EDIL3: variants seen among roughly 807,000 people sequenced by gnomAD.
EDIL3 encodes EGF-like repeat and discoidin I-like domain-containing protein 3.
Under a neutral mutation model 67.4 loss-of-function variants are expected in EDIL3, and 37 were observed. The observed-to-expected ratio is 0.55, with a 90% confidence interval of 0.42 to 0.72. EDIL3 has a LOEUF of 0.72. Ranked by LOEUF, EDIL3 falls within the 30% of genes least tolerant of loss-of-function variation. EDIL3 has a pLI of 0.00. For synonymous variants in EDIL3, 195 were observed against 196.3 expected, an observed-to-expected ratio of 0.99 and a Z score of 0.05; for missense variants, 527 against 586.3, an observed-to-expected ratio of 0.90 and a Z score of 1.04.
intron 6 of EDIL3, among the ~76,000 whole-genome samples, chr5:84,070,066 C>A (rs922550264): frequency 2.6e-5 from 4 of 152,068 alleles, no homozygotes; most frequent in African/African-American, 7.2e-5. Flanking sequence ...AGAGTCCTGC[C>A]GCTGAGCAGC....
intron 3 of EDIL3, among the ~76,000 whole-genome samples, chr5:84,192,576 C>A (rs1743615435): frequency 1.3e-5 from 2 of 152,052 alleles, no homozygotes; most frequent in South Asian, 4.2e-4. Context: ...TTATTCCCTT[C>A]ACAAGTTTTT....
chr5:84,167,680 C>T (rs1380089194), intron 4 of EDIL3, among the ~76,000 whole-genome samples: 1 of 152,116 alleles, frequency 6.6e-6, no homozygotes, highest in African/African-American at 2.4e-5. Context: ...ATTGACAGGG[C>T]ATCACCAAGT....
At chr5:84,181,505 CT>C (rs1156944469) in intron 3 of EDIL3, among the ~76,000 whole-genome samples, 1 of 152,186 alleles carries the variant, frequency 6.6e-6, no homozygotes, top group African/African-American at 2.4e-5. Context: ...CAGTTTGAGA[CT>C]TTTTCTATGC....
At chr5:84,360,951 A>AT (rs923180601) in intron 1 of EDIL3, among the ~76,000 whole-genome samples, 27 of 152,026 alleles carry the variant, frequency 1.8e-4, no homozygotes, top group African/African-American at 6.3e-4. Context: ...TTCTGGGGGT[A>AT]TTTTTTCTTA....
intron 5 of EDIL3, among the ~76,000 whole-genome samples, chr5:84,133,790 A>C: frequency 6.6e-6 from 1 of 152,102 alleles, no homozygotes; most frequent in African/African-American, 2.4e-5. Flanking sequence ...ACTTAACCAA[A>C]CCTTGTAATA....
chr5:83,995,391 C>T (rs1745221969), intron 9 of EDIL3, among the ~76,000 whole-genome samples: 3 of 152,166 alleles, frequency 2.0e-5, no homozygotes, highest in Admixed American at 2.0e-4. Context: ...CTGTAATGTC[C>T]CCACATGGTA....
At chr5:84,255,855 C>T (rs988064793) in intron 1 of EDIL3, among the ~76,000 whole-genome samples, 3 of 152,036 alleles carry the variant, frequency 2.0e-5, no homozygotes, top group Non-Finnish European at 2.9e-5. Flanking sequence ...AAGAATTTAG[C>T]GTGGCTGGAC....
chr5:83,947,377 G>C lies in EDIL3; in HGVS notation c.1294-3809C>G, dbSNP rs1205456721. Among the ~76,000 whole-genome samples the C allele has an allele frequency of 2.7e-5, 4 of 150,728 alleles. No homozygotes were observed. In the South Asian group the frequency reaches 8.4e-4, roughly 32 times the overall value. On this transcript the variant is annotated intron_variant, in intron 10 of 10. Transcript: ENST00000296591. The stretch of plus-strand genomic sequence containing the variant: ...TGTGTCTGTGTCTGTGTCTGTGTGT[G>C]TGTGTGTGTGTGTGTGTGTGTGTGT...
rs1744213624 is a variant in EDIL3 at position 83,940,984 on chromosome 5, G to C, written c.*2435C>G. 2 of 152,078 alleles carry C rather than the reference G, an allele frequency of 1.3e-5. No individual in the cohort carries two copies. Among genetic ancestry groups the C allele is most frequent in the Middle Eastern group, 3.4e-3 (1 of 294 alleles). 9.4% of individuals were successfully genotyped at this position (152,078 alleles called of 1,614,324 possible). A position where few individuals can be genotyped will look rare whatever the true frequency, so the allele number is the denominator to read the frequency against. ...TTTAGTTTCATTAATTGTAAAATTAGCATGTTATATTTACTCAATATAGTG... is the reference window on the plus strand; with the variant it reads ...TTTAGTTTCATTAATTGTAAAATTACCATGTTATATTTACTCAATATAGTG... On this transcript the variant is annotated 3_prime_UTR_variant, in exon 11 of 11. Transcript: ENST00000296591.
chr5:84,160,808 TCC>T lies in EDIL3; in HGVS notation c.355+19583_355+19584del, dbSNP rs1561449441. 2.5e-3 allele frequency among the ~76,000 whole-genome samples: 314 copies of T among 125,868 alleles called. 6 individuals carry two copies. Among genetic ancestry groups the T allele is most frequent in the African/African-American group, 8.9e-3 (265 of 29,764 alleles). 82.6% of individuals were successfully genotyped at this position (125,868 alleles called of 152,430 possible). Reference sequence around the variant, plus strand: ...TCCTTTCCTTTCCTTTCCTTTCCTTTCCTTTCCTTTCCCTTTCCTTTTCCTTT... The same window carrying T: ...TCCTTTCCTTTCCTTTCCTTTCCTTTTTTCCTTTCCCTTTCCTTTTCCTTT... On this transcript the variant is annotated intron_variant, in intron 4 of 10. Transcript: ENST00000296591.
In EDIL3 at chr5:84,176,487, T is replaced by A. The variant is rs1010225230; in HGVS notation, c.355+3906A>T. ...TAAAAGGAATCAAAGGCTCTGGAGC[T>A]GTGCACAGGTAGAGAAGAATGTACA... On this transcript the variant is annotated intron_variant, in intron 4 of 10. Coordinates refer to ENST00000296591, the MANE Select transcript of EDIL3 (RefSeq NM_005711.5). Among the ~76,000 whole-genome samples, 3 of 151,052 alleles carry A rather than the reference T, an allele frequency of 2.0e-5. No individual in the cohort carries two copies. The Admixed American group carries it at 2.0e-4, about 10-fold the overall frequency.
At chr5:84,331,488 G>A in intron 1 of EDIL3, among the ~76,000 whole-genome samples, 1 of 152,100 alleles carries the variant, frequency 6.6e-6, no homozygotes. Context: ...GGTTTTATAA[G>A]GGGCTTTGCC....
chr5:84,053,991 C>T (rs1398039676), intron 9 of EDIL3, among the ~76,000 whole-genome samples: 2 of 152,084 alleles, frequency 1.3e-5, no homozygotes, highest in South Asian at 2.1e-4. Flanking sequence ...CAAAGCCTGG[C>T]AGAGACACAA....
At chr5:84,004,220 T>A (rs567600199) in intron 9 of EDIL3, among the ~76,000 whole-genome samples, 1 of 152,182 alleles carries the variant, frequency 6.6e-6, no homozygotes, top group Admixed American at 6.5e-5. Flanking sequence ...AACCACAAAA[T>A]AATAGTGTGA....
chr5:84,102,813 A>G (rs1243652340), intron 6 of EDIL3, among the ~76,000 whole-genome samples: 1 of 152,072 alleles, frequency 6.6e-6, no homozygotes, highest in Non-Finnish European at 1.5e-5. Flanking sequence ...AAAGCAATTT[A>G]TAGATTTCAA....
chr5:84,364,830 A>G (rs1747693212), intron 1 of EDIL3, among the ~76,000 whole-genome samples: 1 of 151,988 alleles, frequency 6.6e-6, no homozygotes, highest in Non-Finnish European at 1.5e-5. Flanking sequence ...TAGCCTAGCA[A>G]TTTTCTAACC....
intron 1 of EDIL3, among the ~76,000 whole-genome samples, chr5:84,306,178 G>T (rs577005693): frequency 6.6e-6 from 1 of 152,064 alleles, no homozygotes; most frequent in African/African-American, 2.4e-5. Context: ...TTTCACTGTT[G>T]GTGGAGAAGT....
In EDIL3 at chr5:84,071,376, A is replaced by C. The variant is rs1424535846; in HGVS notation, c.652-4770T>G. Among the ~76,000 whole-genome samples, 3 of 152,332 alleles carry C rather than the reference A, an allele frequency of 2.0e-5. No homozygotes were observed. The East Asian group carries it at 5.8e-4, about 29-fold the overall frequency. On this transcript the variant is annotated intron_variant, in intron 6 of 10. Transcript: ENST00000296591. ...GTAAGCACCATGATCAAAAGGAAAA[A>C]ACAGAACTAATACTAGAATAAAATG...
At chr5:83,971,336 GCA>G (rs1469662668) in intron 9 of EDIL3, among the ~76,000 whole-genome samples, 2 of 149,674 alleles carry the variant, frequency 1.3e-5, no homozygotes, top group Non-Finnish European at 3.0e-5. Context: ...AGAGTGAAGT[GCA>G]TGATCATAGG....
Sources: allele counts gnomAD v4.1 joint callset (sites outside exome capture counted in the v4.1 genomes callset), GRCh38; gene constraint gnomAD v4.1.1; transcripts MANE v1.5; gene names NCBI Gene and HGNC (gene_info 2026-07-23, HGNC 2026-07-21).